PEX2: variants seen among roughly 807,000 people sequenced by gnomAD.
PEX2 encodes peroxisome biogenesis factor 2.
PEX2 carries 19 observed loss-of-function variants against 25.2 expected under a neutral mutation model. The ratio of observed to expected loss-of-function variants is 0.75; its 90% CI spans 0.53 to 1.10. The LOEUF is 1.10. PEX2 is among the 50% of genes least tolerant of loss of function. The probability of loss-of-function intolerance (pLI) is 0.00; values close to 1 mark genes in which losing one functional copy is unlikely to be tolerated. For missense variants in PEX2, 347 were observed against 350.6 expected, an observed-to-expected ratio of 0.99 and a Z score of 0.08; for synonymous variants, 141 against 127.7, an observed-to-expected ratio of 1.10 and a Z score of -0.70.
intron 1 of PEX2, among the ~76,000 whole-genome samples, chr8:76,989,283 C>T (rs1331048641): frequency 2.0e-5 from 3 of 152,124 alleles, no homozygotes; most frequent in Admixed American, 1.3e-4. Context: ...TTATAGCTCT[C>T]TTACTATTTC....
At chr8:76,989,207 C>A (rs755277827) in intron 1 of PEX2, among the ~76,000 whole-genome samples, 9 of 151,812 alleles carry the variant, frequency 5.9e-5, no homozygotes, top group Admixed American at 1.3e-4. Context: ...GGAAGCAAGT[C>A]CTTATCAATT....
intron 1 of PEX2, among the ~76,000 whole-genome samples, chr8:76,998,803 T>C (rs1259978429): frequency 2.0e-5 from 3 of 152,154 alleles, no homozygotes; most frequent in Non-Finnish European, 4.4e-5. Context: ...CCAGCTTGAG[T>C]ACTAACACTA....
In PEX2 at chr8:76,985,969, T is replaced by C. The variant is rs933990161; in HGVS notation, c.-18+218A>G. 2.4e-4 allele frequency among the ~76,000 whole-genome samples: 36 copies of C among 152,310 alleles called. No homozygotes were observed. The Middle Eastern group carries it at 0.01, about 43-fold the overall frequency. On this transcript the variant is annotated intron_variant, in intron 3 of 3. Coordinates refer to ENST00000357039, the MANE Select transcript of PEX2 (RefSeq NM_000318.3). ...GTACTTCTTGAAATTGGGAGTATCTTTGACAACCAAAGTTGTTTTCAAGAG... is the reference window on the plus strand; with the variant it reads ...GTACTTCTTGAAATTGGGAGTATCTCTGACAACCAAAGTTGTTTTCAAGAG...
At chr8:76,990,394 T>C (rs1190676922) in intron 1 of PEX2, among the ~76,000 whole-genome samples, 1 of 152,226 alleles carries the variant, frequency 6.6e-6, no homozygotes, top group Non-Finnish European at 1.5e-5. Flanking sequence ...GAACTTTTCC[T>C]CTGCATTCAC....
At chr8:76,991,807 C>T (rs545860086) in intron 1 of PEX2, among the ~76,000 whole-genome samples, 1 of 152,252 alleles carries the variant, frequency 6.6e-6, no homozygotes, top group South Asian at 2.1e-4. Flanking sequence ...TAACAGCTAC[C>T]TCACAAAGTT....
At position 76,984,150 on chromosome 8, in the gene PEX2, C is replaced by G; in HGVS notation, c.29G>C (p.Ser10Thr). The change falls in exon 4 of 4, where the codon AGT (serine) becomes ACT (threonine). Residue 10 changes from serine (S) to threonine (T), a missense_variant. Ser to Thr is a moderately conservative substitution (Grantham distance 58, BLOSUM62 1). Coordinates refer to ENST00000357039, the MANE Select transcript of PEX2 (RefSeq NM_000318.3). The stretch of plus-strand genomic sequence containing the variant: ...GCTTATTCTTAGCACTCTGTTTGCA[C>G]TCTTCGCATTCTCTTTTCTGGAAGC... MASRKENAK[S>T]ANRVLRISQL... 1 of 1,614,150 alleles carries G rather than the reference C, an allele frequency of 6.2e-7. No individual in the cohort carries two copies. The highest frequency in any genetic ancestry group is 8.5e-7 in the Non-Finnish European group (1 of 1,180,006).
chr8:76,989,909 A>C (rs1414025349), intron 1 of PEX2, among the ~76,000 whole-genome samples: 1 of 152,236 alleles, frequency 6.6e-6, no homozygotes, highest in Non-Finnish European at 1.5e-5. Flanking sequence ...CAGGAGAGTC[A>C]GCCTGTCCTT....
chr8:76,990,852 TAC>T (rs1390836936), intron 1 of PEX2, among the ~76,000 whole-genome samples: 1 of 152,142 alleles, frequency 6.6e-6, no homozygotes, highest in Non-Finnish European at 1.5e-5. Flanking sequence ...ACCTAAACGT[TAC>T]ACAGAGACAC....
At chr8:76,998,987 G>GC (rs1554586161) in intron 1 of PEX2, among the ~76,000 whole-genome samples, 2 of 145,114 alleles carry the variant, frequency 1.4e-5, no homozygotes, top group African/African-American at 5.1e-5. Flanking sequence ...AATATGAAGG[G>GC]TTTTTTTTTT....
chr8:76,983,972 G>A lies in PEX2; in HGVS notation c.207C>T (p.Ile69=). ...GTCCCACTGTGGCATTTTTGGAGTA[G>A]ATGGTGAATCTCCACAAGAAAACCC... The part of the protein sequence containing the change: ...CLWVFLWRFT[I]YSKNATVGQS... The change falls in exon 4 of 4, where the codon ATC becomes ATT. Residue 69 remains isoleucine, a synonymous_variant. Transcript: ENST00000357039. 1 of 1,614,080 alleles carries A rather than the reference G, an allele frequency of 6.2e-7. No individual in the cohort carries two copies. The highest frequency in any genetic ancestry group is 8.5e-7 in the Non-Finnish European group (1 of 1,179,972).
chr8:77,000,705 A>G (rs1002001508), upstream of PEX2, among the ~76,000 whole-genome samples: 1 of 152,170 alleles, frequency 6.6e-6, no homozygotes, highest in African/African-American at 2.4e-5. Context: ...TCCGCCCTGC[A>G]AAGCGCTCCC....
rs538686786 is a variant in PEX2, at chr8:76,989,298, A to C, written c.-159-960T>G. Among the ~76,000 whole-genome samples the C allele has an allele frequency of 2.6e-5, 4 of 152,258 alleles. No individual in the cohort carries two copies. In the East Asian group the frequency reaches 5.8e-4, roughly 22 times the overall value. On this transcript the variant is annotated intron_variant, in intron 1 of 3. Transcript: ENST00000357039. ...TTATAGCTCTCTTACTATTTCTATCACATCTGTAGTTACTTCCTCCACTGA... is the reference window on the plus strand; with the variant it reads ...TTATAGCTCTCTTACTATTTCTATCCCATCTGTAGTTACTTCCTCCACTGA...
At position 76,982,953 on chromosome 8, in the gene PEX2, C is replaced by A; in HGVS notation, c.*308G>T. 1 of 488,030 alleles carries A rather than the reference C, an allele frequency of 2.0e-6. No homozygotes were observed. Among genetic ancestry groups the A allele is most frequent in the South Asian group, 2.9e-5 (1 of 34,448 alleles). 30.2% of individuals were successfully genotyped at this position (488,030 alleles called of 1,614,324 possible). ...CTCCAAAATCTTTATCTTTAGAATC[C>A]AACCTTGTTTTAAGAAGTAGTAAAA... On this transcript the variant is annotated 3_prime_UTR_variant, in exon 4 of 4. Transcript: ENST00000357039.
At chr8:76,984,639 T>C (rs1404485669) in intron 3 of PEX2, among the ~76,000 whole-genome samples, 4 of 152,180 alleles carry the variant, frequency 2.6e-5, no homozygotes, top group East Asian at 1.9e-4. Flanking sequence ...AACATTGCAA[T>C]AGATGGTTAA....
intron 3 of PEX2, among the ~76,000 whole-genome samples, chr8:76,985,458 A>G (rs1253508301): frequency 6.6e-6 from 1 of 152,216 alleles, no homozygotes; most frequent in Non-Finnish European, 1.5e-5. Flanking sequence ...AAGTGTCCTC[A>G]TCACACACAT....
rs1806881914 is a variant in PEX2, at chr8:76,983,031, A to G, written c.*230T>C. 1 of 1,218,994 alleles carries G rather than the reference A, an allele frequency of 8.2e-7. No individual in the cohort carries two copies. The highest frequency in any genetic ancestry group is 3.2e-5 in the Admixed American group (1 of 31,730). The allele number at this position is 1,218,994 out of a possible 1,614,324, so 75.5% of individuals were successfully genotyped here. ...ACAAAAGCTGTCCATTATTCTTGACATTAAAAATTGAATGCAATGATTTAA... is the reference window on the plus strand; with the variant it reads ...ACAAAAGCTGTCCATTATTCTTGACGTTAAAAATTGAATGCAATGATTTAA... On this transcript the variant is annotated 3_prime_UTR_variant, in exon 4 of 4. Coordinates refer to ENST00000357039, the MANE Select transcript of PEX2 (RefSeq NM_000318.3).
intron 1 of PEX2, among the ~76,000 whole-genome samples, chr8:76,995,821 C>A (rs778982786): frequency 1.3e-5 from 2 of 151,820 alleles, no homozygotes; most frequent in African/African-American, 4.8e-5. Flanking sequence ...AGTTAAACTG[C>A]CTCTGATTAG....
At chr8:77,000,260 G>A, upstream of PEX2, 1 of 304,776 alleles carries the variant, frequency 3.3e-6, no homozygotes, top group Non-Finnish European at 6.4e-6. Context: ...AAGCCGAAGC[G>A]GACACCCGCG....
At chr8:76,998,902 G>T (rs1318078802) in intron 1 of PEX2, among the ~76,000 whole-genome samples, 1 of 151,750 alleles carries the variant, frequency 6.6e-6, no homozygotes, top group Admixed American at 6.6e-5. Flanking sequence ...TCTTGATTTA[G>T]TCTAATACTC....
Sources: gnomAD v4.1 joint callset for allele counts (sites outside exome capture counted in the v4.1 genomes callset) on GRCh38, gnomAD v4.1.1 for gene constraint, MANE v1.5 for transcripts, NCBI Gene and HGNC (gene_info 2026-07-23, HGNC 2026-07-21) for gene names.